Variants in SLC5A1 observed in about 807,000 individuals in gnomAD.
SLC5A1 encodes the protein solute carrier family 5 member 1.
A neutral mutation model predicts 73.5 loss-of-function variants in SLC5A1; 42 were observed. The observed-to-expected ratio is 0.57, with a 90% CI of 0.45 to 0.74. The LOEUF (loss-of-function observed/expected upper bound fraction) is 0.74, where lower values mean the gene tolerates loss of function less well. Among genes scored for constraint, SLC5A1 ranks in the 30% least tolerant of loss-of-function variants. The pLI, the probability that SLC5A1 is intolerant of heterozygous loss-of-function variation, is 0.00. For synonymous variants in SLC5A1, 300 were observed against 317.4 expected (o/e 0.95, Z 0.58); for missense variants, 634 against 855.4 (o/e 0.74, Z 3.23).
intron 5 of SLC5A1, among the ~76,000 whole-genome samples, chr22:32,080,945 G>A (rs1352768218): frequency 6.6e-6 from 1 of 152,164 alleles, no homozygotes; most frequent in South Asian, 2.1e-4. Context: ...AGTGAGTTGA[G>A]ATCGCACCAC....
At chr22:32,072,714 AGTTT>A (rs1413286018) in intron 5 of SLC5A1, among the ~76,000 whole-genome samples, 1 of 152,210 alleles carries the variant, frequency 6.6e-6, no homozygotes, top group Non-Finnish European at 1.5e-5. Context: ...TCTTACAGTT[AGTTT>A]GTTTGAATCA....
chr22:32,086,567 A>C (rs2094008756), intron 10 of SLC5A1, among the ~76,000 whole-genome samples: 1 of 152,210 alleles, frequency 6.6e-6, no homozygotes, highest in Non-Finnish European at 1.5e-5. Context: ...AGGCTTGGAA[A>C]GGAGATGATC....
intron 5 of SLC5A1, among the ~76,000 whole-genome samples, chr22:32,071,661 C>T (rs746153593): frequency 5.9e-5 from 9 of 151,928 alleles, no homozygotes; most frequent in Non-Finnish European, 1.2e-4. Context: ...ATCTCGTTGC[C>T]TATGATCAGT....
chr22:32,087,776 G>A (rs976764222), intron 10 of SLC5A1, among the ~76,000 whole-genome samples: 2 of 152,056 alleles, frequency 1.3e-5, no homozygotes, highest in African/African-American at 4.8e-5. Flanking sequence ...GAAAAATTTA[G>A]AATAAACCTA....
At position 32,084,511 on chromosome 22, in the gene SLC5A1, A is replaced by T. The variant is rs765430212; in HGVS notation, c.737A>T (p.Asp246Val). 3.1e-6 allele frequency: 5 copies of T among 1,614,108 alleles called. No individual in the cohort carries two copies. The highest frequency in any genetic ancestry group is 4.2e-6 in the Non-Finnish European group (5 of 1,180,040). The change falls in exon 8 of 15, where the codon GAT (aspartate) becomes GTT (valine). Residue 246 changes from aspartate to valine, a missense_variant. By Grantham distance (152) the Asp-to-Val change is radical (BLOSUM62 -3). This residue lies in a region of SLC5A1 where 422 missense variants were observed against 626.1 expected (regional missense o/e 0.67). Transcript: ENST00000266088. ...AAAGCCATTCCAACCATAGTGTCTG[A>T]TGGCAACACCACCTTTCAGGAAAAA... ...YMKAIPTIVS[D>V]GNTTFQEKCY...
At chr22:32,049,415 C>CTTTTTTT (rs130265) in intron 1 of SLC5A1, among the ~76,000 whole-genome samples, 1 of 130,428 alleles carries the variant, frequency 7.7e-6, no homozygotes, top group Non-Finnish European at 1.6e-5. Flanking sequence ...ATTTCTTTTT[C>CTTTTTTT]TTTTTTTTTT....
rs977207283 is a variant in SLC5A1, at chr22:32,049,117, TTA to T, written c.136-815_136-814del. Reference sequence around the variant, plus strand: ...ATATATATATATATATATATAATCATTATATATATATAATCATTATATATATA... The same window carrying T: ...ATATATATATATATATATATAATCATTATATATATAATCATTATATATATA... On this transcript the variant is annotated intron_variant, in intron 1 of 14. Coordinates refer to ENST00000266088, the MANE Select transcript of SLC5A1 (RefSeq NM_000343.4). Among the ~76,000 whole-genome samples the T allele has an allele frequency of 6.1e-4, 87 of 142,670 alleles. 1 individual carries two copies. The Middle Eastern group carries it at 0.03, about 49-fold the overall frequency. The allele number at this position is 142,670 out of a possible 152,430, so 93.6% of individuals were successfully genotyped here. A position where few individuals can be genotyped will look rare whatever the true frequency, so the allele number is the denominator to read the frequency against.
chr22:32,095,876 A>C (rs540855780), intron 11 of SLC5A1, among the ~76,000 whole-genome samples: 1 of 152,332 alleles, frequency 6.6e-6, no homozygotes, highest in South Asian at 2.1e-4. Context: ...GATGTGAGGT[A>C]CTATTCCATT....
chr22:32,060,184 CACATATAT>C (rs1196263925), intron 2 of SLC5A1, among the ~76,000 whole-genome samples: 5 of 107,932 alleles, frequency 4.6e-5, no homozygotes, highest in South Asian at 2.7e-4. Context: ...CACACACACA[CACATATAT>C]ATATATATTT....
intron 10 of SLC5A1, among the ~76,000 whole-genome samples, chr22:32,088,203 A>G (rs1214410770): frequency 6.6e-6 from 1 of 152,134 alleles, no homozygotes; most frequent in African/African-American, 2.4e-5. Flanking sequence ...CCTAGTGAGG[A>G]CTAAACATTA....
At chr22:32,060,130 C>T (rs866352339) in intron 2 of SLC5A1, among the ~76,000 whole-genome samples, 5,915 of 70,294 alleles carry the variant, frequency 0.084, 183 homozygotes, top group Non-Finnish European at 0.15. Context: ...TACATACACA[C>T]ATATATATAC....
rs139760182 is a variant in SLC5A1, at chr22:32,043,382, T to C, written c.101T>C (p.Ile34Thr). 185 of 1,613,992 alleles carry C rather than the reference T, an allele frequency of 1.1e-4. No individual in the cohort carries two copies. In the Middle Eastern group the frequency reaches 2.0e-3, roughly 17 times the overall value. The part of the protein sequence containing the change: ...RNAADISIIV[I>T]YFVVVMAVGL... ...GCAGCCGATATCTCCATCATCGTTA[T>C]CTACTTCGTGGTAGTGATGGCCGTC... is the stretch of plus-strand genomic sequence containing the variant. The change falls in exon 1 of 15, where the codon ATC (isoleucine) becomes ACC (threonine). Residue 34 changes from isoleucine to threonine, a missense_variant. By Grantham distance (89) the Ile-to-Thr change is moderately conservative. Coordinates refer to ENST00000266088, the MANE Select transcript of SLC5A1 (RefSeq NM_000343.4). The surrounding 1 kb of genome is among the most constrained non-coding windows in gnomAD (Gnocchi z 6.5).
In SLC5A1 at chr22:32,064,413, T is replaced by A. The variant is rs150653694; in HGVS notation, c.208-2522T>A. Among the ~76,000 whole-genome samples, 1,230 of 151,976 alleles carry A rather than the reference T, an allele frequency of 8.1e-3. 16 individuals carry two copies. Among genetic ancestry groups the A allele is most frequent in the African/African-American group, 0.028 (1,161 of 41,402 alleles). On this transcript the variant is annotated intron_variant, in intron 2 of 14. Coordinates refer to ENST00000266088, the MANE Select transcript of SLC5A1 (RefSeq NM_000343.4). The stretch of plus-strand genomic sequence containing the variant: ...TGGGAGGCTGAGGCTGGAGGATCAC[T>A]TGAGCCTGGGAGGCAGAGGTTGCAG...
At chr22:32,078,521 C>T (rs939346135) in intron 5 of SLC5A1, among the ~76,000 whole-genome samples, 2 of 152,180 alleles carry the variant, frequency 1.3e-5, no homozygotes, top group African/African-American at 4.8e-5. Context: ...CTGCTTGCCT[C>T]AGCCTCCCAA....
intron 13 of SLC5A1, among the ~76,000 whole-genome samples, chr22:32,102,949 T>C (rs935711782): frequency 6.6e-6 from 1 of 152,238 alleles, no homozygotes; most frequent in Non-Finnish European, 1.5e-5. Context: ...ATTTGTACAA[T>C]ATTTTCTTTA....
Position 32,066,920 on chromosome 22 carries a change from C to A in SLC5A1, c.208-15C>A. ...GAGCACAGAGCCCTCACCTGACTTT[C>A]TTTTGCGTTTCCAGATTGGAGCCTC... On this transcript the variant is annotated splice_polypyrimidine_tract_variant and intron_variant, in intron 2 of 14. Coordinates refer to ENST00000266088, the MANE Select transcript of SLC5A1 (RefSeq NM_000343.4). The A allele has an allele frequency of 6.3e-7, 1 of 1,599,636 alleles. No individual in the cohort carries two copies.
chr22:32,082,419 G>A lies in SLC5A1; in HGVS notation c.583+448G>A, dbSNP rs181854288. Among the ~76,000 whole-genome samples, 5 of 152,292 alleles carry A rather than the reference G, an allele frequency of 3.3e-5. No homozygotes were observed. In the East Asian group the frequency reaches 9.6e-4, roughly 29 times the overall value. The stretch of plus-strand genomic sequence containing the variant: ...TTCAGATGAGGTCACAGCATACTGT[G>A]TGTTTTGAACACAGTATACTGGGGT... On this transcript the variant is annotated intron_variant, in intron 6 of 14. Transcript: ENST00000266088.
In SLC5A1 at chr22:32,104,800, T is replaced by G; in HGVS notation, c.1680T>G (p.Cys560Trp). ...CTTCTCTGCAGCTCTACCGTCTGTG[T>G]TGGAGCCTGCGCAACAGCAAAGAGG... ...PIPDVHLYRL[C>W]WSLRNSKEER... The change falls in exon 14 of 15, where the codon TGT (cysteine) becomes TGG (tryptophan). Residue 560 changes from cysteine (C) to tryptophan (W), a missense_variant. By Grantham distance (215) the Cys-to-Trp change is radical. This residue lies in a region of SLC5A1 where 161 missense variants were observed against 178.7 expected (regional missense o/e 0.90). Transcript: ENST00000266088. 3.1e-6 allele frequency: 5 copies of G among 1,614,042 alleles called. No homozygotes were observed. The highest frequency in any genetic ancestry group is 4.2e-6 in the Non-Finnish European group (5 of 1,179,942).
chr22:32,095,496 A>G (rs1474242614), intron 11 of SLC5A1, among the ~76,000 whole-genome samples: 1 of 152,176 alleles, frequency 6.6e-6, no homozygotes, highest in Non-Finnish European at 1.5e-5. Flanking sequence ...TAGGCCTAGT[A>G]GTAATTGTTT....
Sources: allele counts gnomAD v4.1 joint callset (sites outside exome capture counted in the v4.1 genomes callset), GRCh38; gene constraint gnomAD v4.1.1; regional missense constraint gnomAD v4.1.1; non-coding constraint Gnocchi (gnomAD v3.1); transcripts MANE v1.5; gene names NCBI Gene and HGNC (gene_info 2026-07-23, HGNC 2026-07-21).